Variants in KIF6 observed in about 807,000 individuals in gnomAD.
KIF6 encodes the protein kinesin-like protein KIF6.
A neutral mutation model predicts 112.7 loss-of-function variants in KIF6; 106 were observed. That is an observed-to-expected ratio of 0.94 (90% CI 0.80 to 1.11). The LOEUF is 1.11. KIF6 is among the 50% of genes least tolerant of loss of function. The pLI, the probability that KIF6 is intolerant of heterozygous loss-of-function variation, is 0.00. For synonymous variants in KIF6, 339 were observed against 339.9 expected, an observed-to-expected ratio of 1.00 and a Z score of 0.03; for missense variants, 929 against 964.0, an observed-to-expected ratio of 0.96 and a Z score of 0.48.
intron 15 of KIF6, among the ~76,000 whole-genome samples, chr6:39,396,710 G>T (rs752587760): frequency 7.2e-5 from 11 of 152,152 alleles, no homozygotes; most frequent in Non-Finnish European, 1.3e-4. Flanking sequence ...GTTGCTGCAA[G>T]AATTAGACCC....
intron 3 of KIF6, among the ~76,000 whole-genome samples, chr6:39,687,719 C>T (rs1167337088): frequency 6.6e-6 from 1 of 152,172 alleles, no homozygotes; most frequent in Non-Finnish European, 1.5e-5. Flanking sequence ...AGGTTAAAAT[C>T]ACTAGGCTGC....
chr6:39,469,229 CT>C (rs1188574721), intron 13 of KIF6, among the ~76,000 whole-genome samples: 7 of 151,832 alleles, frequency 4.6e-5, no homozygotes, highest in African/African-American at 1.7e-4. Context: ...AAAATATTCA[CT>C]TAATGTAAAA....
At chr6:39,358,441 A>C (rs1764877291) in intron 18 of KIF6, among the ~76,000 whole-genome samples, 1 of 152,148 alleles carries the variant, frequency 6.6e-6, no homozygotes, top group Non-Finnish European at 1.5e-5. Flanking sequence ...CTTTTGTTTC[A>C]GTGACATCCT....
chr6:39,543,479 T>C (rs1184747704), intron 12 of KIF6, among the ~76,000 whole-genome samples: 1 of 152,124 alleles, frequency 6.6e-6, no homozygotes, highest in East Asian at 1.9e-4. Context: ...TCAAGTAAAA[T>C]TAGAGACCAA....
intron 22 of KIF6, among the ~76,000 whole-genome samples, chr6:39,337,928 C>T (rs1346089273): frequency 6.6e-6 from 1 of 152,182 alleles, no homozygotes; most frequent in Non-Finnish European, 1.5e-5. Flanking sequence ...AAATGTGGTC[C>T]ATGGACCAGC....
chr6:39,461,621 T>C (rs577665169), intron 13 of KIF6, among the ~76,000 whole-genome samples: 3 of 152,326 alleles, frequency 2.0e-5, no homozygotes, highest in Non-Finnish European at 4.4e-5. Flanking sequence ...TTGATATATT[T>C]ACATGTATTT....
intron 6 of KIF6, among the ~76,000 whole-genome samples, chr6:39,609,630 G>A (rs747691628): frequency 2.6e-5 from 4 of 152,128 alleles, no homozygotes; most frequent in Admixed American, 6.5e-5. Flanking sequence ...GGCCAACGAA[G>A]ATATAAAAGT....
intron 13 of KIF6, among the ~76,000 whole-genome samples, chr6:39,535,276 TAA>T (rs1778352220): frequency 6.6e-6 from 1 of 152,214 alleles, no homozygotes; most frequent in East Asian, 1.9e-4. Context: ...GCAAATGGGA[TAA>T]AGAGTCAAGA....
chr6:39,460,642 C>A lies in KIF6; in HGVS notation c.1646-29481G>T, dbSNP rs141155309. ...TTGACAGTATACTTTCTGATAACAACTATGGGAATAAAAAAGAACATAATA... is the reference window on the plus strand; with the variant it reads ...TTGACAGTATACTTTCTGATAACAAATATGGGAATAAAAAAGAACATAATA... On this transcript the variant is annotated intron_variant, in intron 13 of 22. Transcript: ENST00000287152. Among the ~76,000 whole-genome samples, 350 of 141,268 alleles carry A rather than the reference C, an allele frequency of 2.5e-3. 1 individual carries two copies. The highest frequency in any genetic ancestry group is 8.2e-3 in the African/African-American group (321 of 39,044). 92.7% of individuals were successfully genotyped at this position (141,268 alleles called of 152,430 possible). A position where few individuals can be genotyped will look rare whatever the true frequency, so the allele number is the denominator to read the frequency against.
rs982191504 is a variant in KIF6, at chr6:39,331,381, CCT to C, written c.*5149_*5150del. On this transcript the variant is annotated 3_prime_UTR_variant, in exon 23 of 23. Transcript: ENST00000287152. ...TTGTCTTGCTTACTTGTTTATTGTCCCTCTCTTTTTTTTTTTTTCAGAGAAGG... is the reference window on the plus strand; with the variant it reads ...TTGTCTTGCTTACTTGTTTATTGTCCCTCTTTTTTTTTTTTTCAGAGAAGG... 6.9e-6 allele frequency: 1 copy of C among 145,332 alleles called. No individual in the cohort carries two copies. The highest frequency in any genetic ancestry group is 1.5e-5 in the Non-Finnish European group (1 of 67,866). The allele number at this position is 145,332 out of a possible 1,614,324, so 9.0% of individuals were successfully genotyped here.
intron 13 of KIF6, among the ~76,000 whole-genome samples, chr6:39,530,641 A>G (rs1178533817): frequency 6.6e-6 from 1 of 152,138 alleles, no homozygotes; most frequent in African/African-American, 2.4e-5. Context: ...TCATTTTCTA[A>G]TCTGAAGGGA....
chr6:39,604,306 A>G (rs574237582), intron 6 of KIF6, among the ~76,000 whole-genome samples: 13 of 152,268 alleles, frequency 8.5e-5, no homozygotes, highest in Admixed American at 5.9e-4. Flanking sequence ...AGTTCTTCCC[A>G]TATTAAATGA....
chr6:39,357,827 C>T (rs1451480493), intron 18 of KIF6, among the ~76,000 whole-genome samples: 1 of 152,138 alleles, frequency 6.6e-6, no homozygotes, highest in Non-Finnish European at 1.5e-5. Context: ...CAAATCTAGA[C>T]ATGGTAATGA....
intron 3 of KIF6, among the ~76,000 whole-genome samples, chr6:39,677,683 T>G (rs303679): frequency 1.5e-4 from 12 of 82,502 alleles, no homozygotes; most frequent in African/African-American, 5.9e-4. Context: ...CCCTCCCCCC[T>G]CCCCCGACCC....
chr6:39,619,060 AC>A (rs1399691540), intron 5 of KIF6, among the ~76,000 whole-genome samples: 2 of 152,206 alleles, frequency 1.3e-5, no homozygotes, highest in Non-Finnish European at 2.9e-5. Context: ...TTTTCTGTTA[AC>A]ACGTTTTAGA....
Position 39,460,548 on chromosome 6 carries a change from A to T in KIF6, c.1646-29387T>A, listed in dbSNP as rs1020328973. Among the ~76,000 whole-genome samples, 7 of 149,780 alleles carry T rather than the reference A, an allele frequency of 4.7e-5. No individual in the cohort carries two copies. The East Asian group carries it at 1.2e-3, about 25-fold the overall frequency. ...ATAAAAAAAAAAGTAAAAAAAAAAA[A>T]AAAAAAAAAAAAGATCTTAAAAGTA... On this transcript the variant is annotated intron_variant, in intron 13 of 22. Transcript: ENST00000287152.
Position 39,360,463 on chromosome 6 carries a change from C to T in KIF6, c.2014G>A (p.Asp672Asn). 6.2e-7 allele frequency: 1 copy of T among 1,613,668 alleles called. No individual in the cohort carries two copies. The highest frequency in any genetic ancestry group is 1.1e-5 in the South Asian group (1 of 91,032). Residue 672 changes from aspartate (D) to asparagine (N), a missense_variant, in exon 18 of 23, where the codon GAC (aspartate) becomes AAC (asparagine). Coordinates refer to ENST00000287152, the MANE Select transcript of KIF6 (RefSeq NM_145027.6). The part of the protein sequence containing the change: ...VEIEHLQLLM[D>N]KAKVKLQKEF... ...TTCTGTAGCTTCACCTTGGCTTTGTCCATGAGCAGCTGCAAGTGCTCGATC... is the reference window on the plus strand; with the variant it reads ...TTCTGTAGCTTCACCTTGGCTTTGTTCATGAGCAGCTGCAAGTGCTCGATC...
At chr6:39,641,414 T>C (rs1320911621) in intron 3 of KIF6, among the ~76,000 whole-genome samples, 1 of 151,668 alleles carries the variant, frequency 6.6e-6, no homozygotes, top group Non-Finnish European at 1.5e-5. Context: ...AAACACCACA[T>C]GTCCTCACTC....
chr6:39,589,418 T>C (rs1298805019), intron 7 of KIF6, among the ~76,000 whole-genome samples: 1 of 151,778 alleles, frequency 6.6e-6, no homozygotes, highest in African/African-American at 2.4e-5. Flanking sequence ...GCCAGAGACG[T>C]TGTCTCTCTT....
Sources: allele counts gnomAD v4.1 joint callset (sites outside exome capture counted in the v4.1 genomes callset), GRCh38; gene constraint gnomAD v4.1.1; transcripts MANE v1.5; gene names NCBI Gene and HGNC (gene_info 2026-07-23, HGNC 2026-07-21).